COL28A1: variants seen among roughly 807,000 people sequenced by gnomAD.
The protein encoded by COL28A1 is collagen alpha-1(XXVIII) chain.
In COL28A1, 161 loss-of-function variants were observed where a neutral mutation model predicts 150.2. The ratio of observed to expected loss-of-function variants is 1.07; its 90% CI spans 0.94 to 1.22. The LOEUF is 1.22. Among genes scored for constraint, COL28A1 ranks in the 50% most tolerant of loss-of-function variants. COL28A1 has a pLI of 0.00. For missense variants in COL28A1, 1,617 were observed against 1,388.3 expected, an observed-to-expected ratio of 1.16 and a Z score of -2.62; for synonymous variants, 552 against 469.7, an observed-to-expected ratio of 1.18 and a Z score of -2.26.
At chr7:7,341,837 G>T in the COL28A1 span, among the ~76,000 whole-genome samples, 1 of 151,932 alleles carries the variant, frequency 6.6e-6, no homozygotes, top group Non-Finnish European at 1.5e-5. Context: ...TGTTGAACTT[G>T]CTTTTTATGG....
Position 7,522,806 on chromosome 7 carries a change from CAAAAAAAAAAAAA to C in COL28A1, c.703-858_703-846del, listed in dbSNP as rs200294353. Among the ~76,000 whole-genome samples, 398 of 93,112 alleles carry C rather than the reference CAAAAAAAAAAAAA, an allele frequency of 4.3e-3. 3 individuals carry two copies. Among genetic ancestry groups the C allele is most frequent in the African/African-American group, 9.7e-3 (191 of 19,750 alleles). The allele number at this position is 93,112 out of a possible 152,430, so 61.1% of individuals were successfully genotyped here. On this transcript the variant is annotated intron_variant, in intron 4 of 34. Transcript: ENST00000399429. ...ACTAACACTAACGATAGCTGAAGAG[CAAAAAAAAAAAAA>C]AAAAAAAAAAAAAAAAAGGGCCGTG...
intron 15 of COL28A1, among the ~76,000 whole-genome samples, chr7:7,458,466 GA>G (rs1448974566): frequency 4.0e-5 from 6 of 151,032 alleles, no homozygotes; most frequent in Non-Finnish European, 7.4e-5. Flanking sequence ...CAAACAAAAA[GA>G]AAAGAAAAAT....
intron 27 of COL28A1, among the ~76,000 whole-genome samples, chr7:7,395,642 A>G (rs1782793881): frequency 6.6e-6 from 1 of 152,178 alleles, no homozygotes; most frequent in Non-Finnish European, 1.5e-5. Context: ...TGGTTGGTTG[A>G]GAGCACTTGC....
intron 28 of COL28A1, 67 bp downstream of exon 28, chr7:7,381,477 C>T (rs1447712273): frequency 8.7e-7 from 1 of 1,151,408 alleles, no homozygotes; most frequent in Non-Finnish European, 1.3e-6. Flanking sequence ...GAGAGTTCTT[C>T]CAAAGTTAAA....
intron 9 of COL28A1, among the ~76,000 whole-genome samples, chr7:7,510,496 G>C (rs879006652): frequency 2.0e-5 from 3 of 152,192 alleles, no homozygotes; most frequent in Admixed American, 2.0e-4. Flanking sequence ...TATTGGTCAG[G>C]CTGGTCTCAA....
chr7:7,351,286 G>C (rs1324905404), downstream of COL28A1, among the ~76,000 whole-genome samples: 1 of 152,092 alleles, frequency 6.6e-6, no homozygotes, highest in African/African-American at 2.4e-5. Flanking sequence ...GAATGAGAAA[G>C]GATATATTGA....
intron 27 of COL28A1, among the ~76,000 whole-genome samples, chr7:7,384,103 C>T (rs1219244177): frequency 6.6e-6 from 1 of 152,044 alleles, no homozygotes; most frequent in Non-Finnish European, 1.5e-5. Context: ...GTATTGCCTC[C>T]CCAGTTCAAC....
chr7:7,511,897 C>G (rs1184808476), intron 8 of COL28A1: 3 of 427,274 alleles, frequency 7.0e-6, no homozygotes, highest in Non-Finnish European at 9.7e-6. Context: ...GATAGTTTAT[C>G]ATAAATATTT....
In COL28A1 at chr7:7,459,445, G is replaced by C. The variant is rs142273662; in HGVS notation, c.1303-3333C>G. ...CAGCAAATAAAAATAAGTCATTCAA[G>C]ATTGAAACCCAGCACTTGAGATAAT... On this transcript the variant is annotated intron_variant, in intron 15 of 34. Transcript: ENST00000399429. Among the ~76,000 whole-genome samples, 880 of 152,278 alleles carry C rather than the reference G, an allele frequency of 5.8e-3. 5 individuals carry two copies. The highest frequency in any genetic ancestry group is 0.02 in the African/African-American group (843 of 41,560).
intron 11 of COL28A1, among the ~76,000 whole-genome samples, chr7:7,499,507 T>C (rs564749776): frequency 6.6e-6 from 1 of 152,368 alleles, no homozygotes; most frequent in East Asian, 1.9e-4. Flanking sequence ...GATTAATTAT[T>C]CTTTACCAAG....
At chr7:7,508,309 T>A (rs2115130507) in intron 9 of COL28A1, among the ~76,000 whole-genome samples, 1 of 152,248 alleles carries the variant, frequency 6.6e-6, no homozygotes, top group African/African-American at 2.4e-5. Context: ...AATAGGGAAC[T>A]ACCATAATTT....
intron 27 of COL28A1, among the ~76,000 whole-genome samples, chr7:7,393,973 G>T (rs1289551624): frequency 1.0e-4 from 9 of 87,926 alleles, no homozygotes; most frequent in Non-Finnish European, 2.4e-4. Flanking sequence ...TGCCACTGGG[G>T]TATGAAAAAA....
At position 7,373,974 on chromosome 7, in the gene COL28A1, C is replaced by T. The variant is rs1263261893; in HGVS notation, c.2360-428G>A. Among the ~76,000 whole-genome samples, 1 of 146,940 alleles carries T rather than the reference C, an allele frequency of 6.8e-6. No homozygotes were observed. Among genetic ancestry groups the T allele is most frequent in the Non-Finnish European group, 1.5e-5 (1 of 67,382 alleles). On this transcript the variant is annotated intron_variant, in intron 31 of 34. Transcript: ENST00000399429. This position sits in a 1 kb window ranked among gnomAD's most constrained non-coding sequence, Gnocchi z 4.1. ...TCGGCCTCCCAAAGTGCTGGGATTA[C>T]AGGCGTGAGCCACCGCGCCCGGCCC...
the COL28A1 span, among the ~76,000 whole-genome samples, chr7:7,349,165 AAG>A: frequency 1.3e-5 from 2 of 152,174 alleles, no homozygotes; most frequent in Non-Finnish European, 2.9e-5. Flanking sequence ...AGAAATATTT[AAG>A]AGTTTTCCAA....
chr7:7,485,715 A>T (rs1479835617), intron 13 of COL28A1, among the ~76,000 whole-genome samples: 1 of 152,188 alleles, frequency 6.6e-6, no homozygotes, highest in Non-Finnish European at 1.5e-5. Flanking sequence ...CCATTTGTTA[A>T]AAAGACTATG....
At chr7:7,349,108 A>G in the COL28A1 span, among the ~76,000 whole-genome samples, 2 of 152,020 alleles carry the variant, frequency 1.3e-5, no homozygotes, top group South Asian at 2.1e-4. Flanking sequence ...AATTTCCTCT[A>G]TGGTTTATTT....
chr7:7,409,604 T>C (rs532490760), intron 27 of COL28A1, among the ~76,000 whole-genome samples: 23 of 152,308 alleles, frequency 1.5e-4, no homozygotes, highest in Non-Finnish European at 2.6e-4. Context: ...TTTTCAAATC[T>C]CCTTTTTAAA....
At chr7:7,447,256 A>G (rs924756200) in intron 18 of COL28A1, among the ~76,000 whole-genome samples, 3 of 152,102 alleles carry the variant, frequency 2.0e-5, no homozygotes, top group Admixed American at 6.6e-5. Flanking sequence ...AATATCCAAC[A>G]CAATAAAAGG....
chr7:7,489,598 AG>A (rs1272673737), intron 12 of COL28A1, 141 bp from the exon 13 acceptor site: 12 of 630,528 alleles, frequency 1.9e-5, no homozygotes, highest in Admixed American at 5.6e-5. Flanking sequence ...AAAATTCTAG[AG>A]GAAGAGAAAT....
Sources: gnomAD v4.1 joint callset for allele counts (sites outside exome capture counted in the v4.1 genomes callset) on GRCh38, gnomAD v4.1.1 for gene constraint, Gnocchi (gnomAD v3.1) non-coding constraint, MANE v1.5 for transcripts, NCBI Gene and HGNC (gene_info 2026-07-23, HGNC 2026-07-21) for gene names.